Variants in SCEL observed in about 807,000 individuals in gnomAD.
SCEL encodes sciellin.
SCEL carries 113 observed loss-of-function variants against 117.6 expected under a neutral mutation model. That is an observed-to-expected ratio of 0.96 (90% CI 0.83 to 1.12). SCEL has a LOEUF of 1.12. Among genes scored for constraint, SCEL ranks in the 50% most tolerant of loss-of-function variants. The pLI is 0.00. For missense variants in SCEL, 785 were observed against 810.8 expected (o/e 0.97, Z 0.39); for synonymous variants, 270 against 256.2 (o/e 1.05, Z -0.51).
intron 1 of SCEL, among the ~76,000 whole-genome samples, chr13:77,547,310 G>A (rs1007724718): frequency 1.3e-5 from 2 of 152,194 alleles, no homozygotes; most frequent in Middle Eastern, 3.2e-3. Flanking sequence ...GATTTACCCT[G>A]AAATCTATAG....
chr13:77,631,342 A>G (rs905998108), intron 28 of SCEL, among the ~76,000 whole-genome samples: 3 of 152,222 alleles, frequency 2.0e-5, no homozygotes, highest in Admixed American at 6.5e-5. Flanking sequence ...TCACTATCCC[A>G]TGAAAAACAA....
chr13:77,595,440 C>A (rs1322852018), intron 12 of SCEL, among the ~76,000 whole-genome samples: 1 of 152,178 alleles, frequency 6.6e-6, no homozygotes, highest in East Asian at 1.9e-4. Flanking sequence ...AATTTAAAGT[C>A]ATTTTGAAAG....
chr13:77,542,473 A>G (rs2083761213), intron 1 of SCEL, among the ~76,000 whole-genome samples: 1 of 152,168 alleles, frequency 6.6e-6, no homozygotes, highest in African/African-American at 2.4e-5. Flanking sequence ...CATTTGTGCT[A>G]CATTCTGGAC....
At chr13:77,618,978 C>T (rs962299848) in intron 27 of SCEL, among the ~76,000 whole-genome samples, 1 of 152,146 alleles carries the variant, frequency 6.6e-6, no homozygotes, top group Non-Finnish European at 1.5e-5. Context: ...TATTTGATAT[C>T]TTTCACATAA....
chr13:77,581,938 G>T (rs1437770019), intron 9 of SCEL, among the ~76,000 whole-genome samples: 1 of 152,194 alleles, frequency 6.6e-6, no homozygotes, highest in East Asian at 1.9e-4. Context: ...TTTGGAGGAA[G>T]AAGACTGGGA....
At chr13:77,580,368 A>G (rs914085247) in intron 9 of SCEL, among the ~76,000 whole-genome samples, 3 of 152,176 alleles carry the variant, frequency 2.0e-5, no homozygotes, top group African/African-American at 7.2e-5. Context: ...CTTGTTTTTG[A>G]GACTTTTAAA....
intron 18 of SCEL, 88 bp downstream of exon 18, chr13:77,603,223 G>A (rs1045624378): frequency 9.7e-6 from 7 of 718,410 alleles, no homozygotes; most frequent in South Asian, 2.1e-5. Context: ...TCATAATCGT[G>A]TTTTATTAGC....
chr13:77,555,930 G>A lies in SCEL; in HGVS notation c.43+12G>A. 1 of 1,610,434 alleles carries A rather than the reference G, an allele frequency of 6.2e-7. No homozygotes were observed. Among genetic ancestry groups the A allele is most frequent in the South Asian group, 1.1e-5 (1 of 90,798 alleles). ...TCCCACAGGAAATGGTAATGTACAT[G>A]ATGTTTCTCTCACTCAGAAAACTTT... On this transcript the variant is annotated intron_variant, in intron 2 of 32. Coordinates refer to ENST00000349847, the MANE Select transcript of SCEL (RefSeq NM_144777.3).
intron 27 of SCEL, among the ~76,000 whole-genome samples, chr13:77,624,213 C>A (rs773425565): frequency 1.1e-4 from 17 of 149,568 alleles, no homozygotes; most frequent in Non-Finnish European, 2.2e-4. Flanking sequence ...TCACACAATT[C>A]TCCTGCCTCA....
chr13:77,572,079 C>G, intron 8 of SCEL, 45 bp from the exon 9 acceptor site: 3 of 1,505,890 alleles, frequency 2.0e-6, no homozygotes, highest in Non-Finnish European at 2.8e-6. Context: ...TGGGTGGGAT[C>G]AGCCTTTCAA....
Position 77,569,571 on chromosome 13 carries a change from C to G in SCEL, c.479+120C>G, listed in dbSNP as rs1248315452. The G allele has an allele frequency of 1.4e-5, 9 of 653,484 alleles. No individual in the cohort carries two copies. The African/African-American group carries it at 1.6e-4, about 12-fold the overall frequency. The allele number at this position is 653,484 out of a possible 1,614,324, so 40.5% of individuals were successfully genotyped here. Reference sequence around the variant, plus strand: ...ACATTCTGCTGTTCCCAAACTTCAGCTCTTTCCCCCAGCAATCTCTTTCTC... The same window carrying G: ...ACATTCTGCTGTTCCCAAACTTCAGGTCTTTCCCCCAGCAATCTCTTTCTC... On this transcript the variant is annotated intron_variant, in intron 8 of 32. Coordinates refer to ENST00000349847, the MANE Select transcript of SCEL (RefSeq NM_144777.3).
chr13:77,541,840 A>T (rs973653615), intron 1 of SCEL, among the ~76,000 whole-genome samples: 1 of 152,252 alleles, frequency 6.6e-6, no homozygotes, highest in African/African-American at 2.4e-5. Context: ...CAGCTACATG[A>T]CAGAGCTTTT....
chr13:77,621,149 A>G (rs181438412), intron 27 of SCEL, among the ~76,000 whole-genome samples: 1 of 152,048 alleles, frequency 6.6e-6, no homozygotes, highest in Admixed American at 6.6e-5. Context: ...CTGCCCTTCA[A>G]TCCATTCGCC....
chr13:77,602,572 T>C (rs1262662981), intron 16 of SCEL, 82 bp from the exon 17 acceptor site: 16 of 1,205,996 alleles, frequency 1.3e-5, no homozygotes, highest in Non-Finnish European at 1.8e-5. Context: ...TGACACCACA[T>C]TCAGGGACAT....
chr13:77,555,134 C>T lies in SCEL; in HGVS notation c.-19-723C>T, dbSNP rs74095805. The stretch of plus-strand genomic sequence containing the variant: ...TTTAAATTTGTGTGTGTGTGTATGT[C>T]TGTGTGAATAAGAAGGGACCCTGAA... On this transcript the variant is annotated intron_variant, in intron 1 of 32. Transcript: ENST00000349847. Among the ~76,000 whole-genome samples the T allele has an allele frequency of 8.1e-3, 1,232 of 152,106 alleles. 13 individuals are homozygous for T. The highest frequency in any genetic ancestry group is 0.028 in the African/African-American group (1,167 of 41,496).
At chr13:77,552,744 G>A (rs1221749124) in intron 1 of SCEL, among the ~76,000 whole-genome samples, 2 of 152,120 alleles carry the variant, frequency 1.3e-5, no homozygotes, top group African/African-American at 4.8e-5. Flanking sequence ...ATTGCTTTTG[G>A]TGTTTTAGAC....
At chr13:77,635,359 G>A (rs2090226124) in intron 29 of SCEL, among the ~76,000 whole-genome samples, 1 of 152,094 alleles carries the variant, frequency 6.6e-6, no homozygotes, top group Non-Finnish European at 1.5e-5. Context: ...ACACTAAGGA[G>A]TTACTAAATC....
intron 27 of SCEL, chr13:77,623,423 G>T (rs1282011915): frequency 6.6e-6 from 1 of 152,140 alleles, no homozygotes; most frequent in Admixed American, 6.5e-5. Context: ...ACCAGTTATA[G>T]ATTTCTTTGT....
At chr13:77,580,977 TAC>T (rs2086232678) in intron 9 of SCEL, among the ~76,000 whole-genome samples, 1 of 152,170 alleles carries the variant, frequency 6.6e-6, no homozygotes, top group Non-Finnish European at 1.5e-5. Context: ...AACCTTGCAC[TAC>T]AGTTATATTT....
Sources: allele counts gnomAD v4.1 joint callset (sites outside exome capture counted in the v4.1 genomes callset), GRCh38; gene constraint gnomAD v4.1.1; transcripts MANE v1.5; gene names NCBI Gene and HGNC (gene_info 2026-07-23, HGNC 2026-07-21).